TBC1D23: variants seen among roughly 807,000 people sequenced by gnomAD.
TBC1D23 encodes the protein TBC1 domain family member 23, also known as HCV non-structural protein 4A-transactivated protein 1.
A neutral mutation model predicts 91.4 loss-of-function variants in TBC1D23; 55 were observed. The ratio of observed to expected loss-of-function variants is 0.60; its 90% CI spans 0.48 to 0.75. The LOEUF (loss-of-function observed/expected upper bound fraction) is 0.75, where lower values mean the gene tolerates loss of function less well. Among genes scored for constraint, TBC1D23 ranks in the 30% least tolerant of loss-of-function variants. The probability of loss-of-function intolerance (pLI) is 0.00; values close to 1 mark genes in which losing one functional copy is unlikely to be tolerated. For missense variants in TBC1D23, 725 were observed against 836.1 expected, an observed-to-expected ratio of 0.87 and a Z score of 1.64; for synonymous variants, 289 against 281.0, an observed-to-expected ratio of 1.03 and a Z score of -0.28.
chr3:100,296,078 C>A, intron 7 of TBC1D23, 94 bp from the exon 8 acceptor site: 1 of 642,998 alleles, frequency 1.6e-6, no homozygotes, highest in Non-Finnish European at 2.6e-6. Flanking sequence ...ACTCCATTTG[C>A]ATAGTATTTA....
chr3:100,270,276 T>G (rs979185298), intron 1 of TBC1D23, among the ~76,000 whole-genome samples: 1 of 152,138 alleles, frequency 6.6e-6, no homozygotes, highest in African/African-American at 2.4e-5. Flanking sequence ...AAGGAAATAA[T>G]TCAGTATATG....
At chr3:100,315,857 T>G in intron 15 of TBC1D23, 1 of 500,308 alleles carries the variant, frequency 2.0e-6, no homozygotes, top group Non-Finnish European at 3.6e-6. Context: ...TAAAATTTAA[T>G]TTTTACATAT....
At chr3:100,278,318 T>C (rs2067666501) in intron 1 of TBC1D23, among the ~76,000 whole-genome samples, 1 of 152,200 alleles carries the variant, frequency 6.6e-6, no homozygotes, top group Non-Finnish European at 1.5e-5. Context: ...TACAGATTTT[T>C]AATGTATGCT....
intron 1 of TBC1D23, among the ~76,000 whole-genome samples, chr3:100,269,223 C>T (rs1007324323): frequency 3.3e-5 from 5 of 152,048 alleles, no homozygotes; most frequent in East Asian, 3.9e-4. Flanking sequence ...GATTTAGCAC[C>T]GTCTTTACTT....
At chr3:100,287,473 GATC>G (rs1559805297) in intron 4 of TBC1D23, among the ~76,000 whole-genome samples, 1 of 152,222 alleles carries the variant, frequency 6.6e-6, no homozygotes. Flanking sequence ...TGGAAGATGA[GATC>G]ATGAACTAGG....
chr3:100,261,242 G>A, intron 1 of TBC1D23, 171 bp downstream of exon 1: 2 of 635,428 alleles, frequency 3.1e-6, no homozygotes, highest in Non-Finnish European at 5.5e-6. Flanking sequence ...TGCCTGCCTG[G>A]TTCTGCCCAA....
chr3:100,296,351 G>C, intron 8 of TBC1D23, 76 bp downstream of exon 8: 2 of 814,566 alleles, frequency 2.5e-6, no homozygotes, highest in Non-Finnish European at 3.8e-6. Flanking sequence ...ATTCACTTTA[G>C]TTAAAATAGG....
chr3:100,283,506 A>G (rs938990400), intron 3 of TBC1D23, 101 bp from the exon 4 acceptor site: 1 of 681,612 alleles, frequency 1.5e-6, no homozygotes, highest in East Asian at 2.7e-5. Flanking sequence ...TCTTTCTCTA[A>G]ATGCACTAAC....
intron 4 of TBC1D23, among the ~76,000 whole-genome samples, chr3:100,289,992 C>A (rs971900570): frequency 6.6e-6 from 1 of 152,106 alleles, no homozygotes; most frequent in Admixed American, 6.5e-5. Context: ...CATTCAGATC[C>A]AATTTTTCCA....
At chr3:100,287,102 C>T (rs1042012041) in intron 4 of TBC1D23, among the ~76,000 whole-genome samples, 2 of 152,058 alleles carry the variant, frequency 1.3e-5, no homozygotes, top group East Asian at 1.9e-4. Context: ...TGCAAGCTAC[C>T]GCGCCCAGCC....
At chr3:100,281,680 C>T in intron 2 of TBC1D23, 62 bp from the exon 3 acceptor site, 1 of 1,027,886 alleles carries the variant, frequency 9.7e-7, no homozygotes. Flanking sequence ...ATTATTACAG[C>T]ATATTTTCCA....
At chr3:100,297,798 A>T (rs1041785379) in intron 8 of TBC1D23, 125 bp from the exon 9 acceptor site, 7 of 734,254 alleles carry the variant, frequency 9.5e-6, no homozygotes, top group African/African-American at 1.9e-5. Flanking sequence ...TGTAGTATTA[A>T]GTTTTAAAAA....
chr3:100,292,909 G>A lies in TBC1D23; in HGVS notation c.601-2178G>A, dbSNP rs1321701286. ...AGCCAAGCCTAGTCTTGTCAAAACT[G>A]TAGCTTCTCTGAGATTCATATGTTG... On this transcript the variant is annotated intron_variant, in intron 5 of 18. Transcript: ENST00000394144. Among the ~76,000 whole-genome samples the A allele has an allele frequency of 3.9e-5, 6 of 151,916 alleles. No individual in the cohort carries two copies. The East Asian group carries it at 9.7e-4, about 25-fold the overall frequency.
Position 100,273,487 on chromosome 3 carries a change from A to G in TBC1D23, c.54-6162A>G, listed in dbSNP as rs1297485990. On this transcript the variant is annotated intron_variant, in intron 1 of 18. Coordinates refer to ENST00000394144, the MANE Select transcript of TBC1D23 (RefSeq NM_001199198.3). Reference sequence around the variant, plus strand: ...TCAGTGCTATTCTCGTTACACTACCATTGACATTCTTCACAAAACTAGAGA... The same window carrying G: ...TCAGTGCTATTCTCGTTACACTACCGTTGACATTCTTCACAAAACTAGAGA... Among the ~76,000 whole-genome samples, 4 of 152,340 alleles carry G rather than the reference A, an allele frequency of 2.6e-5. No individual in the cohort carries two copies. In the East Asian group the frequency reaches 7.7e-4, roughly 29 times the overall value.
rs566977209 is a variant in TBC1D23 at position 100,274,894 on chromosome 3, A to ACCCC, written c.54-4749_54-4746dup. Among the ~76,000 whole-genome samples, 144 of 131,884 alleles carry ACCCC rather than the reference A, an allele frequency of 1.1e-3. 1 individual carries two copies. Among genetic ancestry groups the ACCCC allele is most frequent in the African/African-American group, 3.8e-3 (139 of 36,934 alleles). The allele number at this position is 131,884 out of a possible 152,430, so 86.5% of individuals were successfully genotyped here. ...ACATATATCTATGCATACAGTACACACCCCCCCCCTTTTTGTTTATTCATT... is the reference window on the plus strand; with the variant it reads ...ACATATATCTATGCATACAGTACACACCCCCCCCCCCCCTTTTTGTTTATTCATT... On this transcript the variant is annotated intron_variant, in intron 1 of 18. Coordinates refer to ENST00000394144, the MANE Select transcript of TBC1D23 (RefSeq NM_001199198.3).
chr3:100,321,067 G>A (rs1347368697), intron 18 of TBC1D23, 96 bp downstream of exon 18: 9 of 919,434 alleles, frequency 9.8e-6, no homozygotes, highest in Non-Finnish European at 1.4e-5. Flanking sequence ...TTTGGGGAAT[G>A]GATGGTGGAA....
intron 4 of TBC1D23, among the ~76,000 whole-genome samples, chr3:100,285,707 C>T (rs1212144500): frequency 6.6e-6 from 1 of 152,172 alleles, no homozygotes; most frequent in Admixed American, 6.5e-5. Flanking sequence ...GTGGAGATCC[C>T]AGTTTCTTCA....
At chr3:100,285,345 A>T (rs538778946) in intron 4 of TBC1D23, among the ~76,000 whole-genome samples, 1 of 152,228 alleles carries the variant, frequency 6.6e-6, no homozygotes, top group South Asian at 2.1e-4. Flanking sequence ...ATCATACCTT[A>T]TATGTTTTTG....
intron 15 of TBC1D23, among the ~76,000 whole-genome samples, chr3:100,312,988 CAG>C (rs1458230494): frequency 2.0e-5 from 3 of 151,412 alleles, no homozygotes; most frequent in African/African-American, 7.3e-5. Flanking sequence ...CCCGTCTCTA[CAG>C]AGTGAGACTG....
Sources: allele counts gnomAD v4.1 joint callset (sites outside exome capture counted in the v4.1 genomes callset), GRCh38; gene constraint gnomAD v4.1.1; transcripts MANE v1.5; gene names NCBI Gene and HGNC (gene_info 2026-07-23, HGNC 2026-07-21).